DAZAP1: variants seen among roughly 807,000 people sequenced by gnomAD.
DAZAP1 encodes the protein DAZ associated protein 1.
A neutral mutation model predicts 60.1 loss-of-function variants in DAZAP1; 6 were observed. That is an observed-to-expected ratio of 0.10 (90% CI 0.05 to 0.20). The LOEUF (loss-of-function observed/expected upper bound fraction) is 0.20, where lower values mean the gene tolerates loss of function less well. Among genes scored for constraint, DAZAP1 ranks in the 10% least tolerant of loss-of-function variants. DAZAP1 has a pLI of 1.00. For synonymous variants in DAZAP1, 235 were observed against 215.9 expected (o/e 1.09, Z -0.78); for missense variants, 366 against 560.4 (o/e 0.65, Z 3.50).
intron 6 of DAZAP1, among the ~76,000 whole-genome samples, chr19:1,424,156 C>T (rs1434187020): frequency 7.9e-5 from 12 of 151,984 alleles, no homozygotes; most frequent in Admixed American, 3.9e-4. Context: ...GCCTGTGTCT[C>T]GGGCACACAG....
rs535932828 is a variant in DAZAP1 at position 1,433,139 on chromosome 19, C to T, written c.1048+449C>T. 2.7e-5 allele frequency: 5 copies of T among 186,616 alleles called. No individual in the cohort carries two copies. Among genetic ancestry groups the T allele is most frequent in the Non-Finnish European group, 5.6e-5 (5 of 89,328 alleles). The allele number at this position is 186,616 out of a possible 1,614,324, so 11.6% of individuals were successfully genotyped here. A position where few individuals can be genotyped will look rare whatever the true frequency, so the allele number is the denominator to read the frequency against. Reference sequence around the variant, plus strand: ...GGGTCTGTAGTAGGCGTGGCCTGGACGTGGGCTTCACCCTGGACTGGATGG... The same window carrying T: ...GGGTCTGTAGTAGGCGTGGCCTGGATGTGGGCTTCACCCTGGACTGGATGG... On this transcript the variant is annotated intron_variant, in intron 11 of 11. Transcript: ENST00000233078. The surrounding 1 kb of genome is among the most constrained non-coding windows in gnomAD (Gnocchi z 6.1).
At chr19:1,415,842 C>T (rs1447125672) in intron 1 of DAZAP1, 6 of 152,168 alleles carry the variant, frequency 3.9e-5, no homozygotes, top group East Asian at 3.9e-4. Context: ...TGGCACACCC[C>T]GCCTCTAATT....
In DAZAP1 at chr19:1,418,353, A is replaced by G. The variant is rs774079955; in HGVS notation, c.220A>G (p.Thr74Ala). The G allele has an allele frequency of 6.2e-7, 1 of 1,613,552 alleles. No individual in the cohort carries two copies. Among genetic ancestry groups the G allele is most frequent in the African/African-American group, 1.3e-5 (1 of 74,912 alleles). ...VGTVLASRPH[T>A]LDGRNIDPKP... The stretch of plus-strand genomic sequence containing the variant: ...GACGGTGCTGGCCAGCAGACCGCAC[A>G]CGCTAGATGGCCGAAACGTAAGTGC... Residue 74 changes from threonine to alanine, a missense_variant, in exon 3 of 12, where the codon ACG (threonine) becomes GCG (alanine). This residue lies in a region of DAZAP1 where 98 missense variants were observed against 155.3 expected (regional missense o/e 0.63). Coordinates refer to ENST00000233078, the MANE Select transcript of DAZAP1 (RefSeq NM_018959.4). This position sits in a 1 kb window ranked among gnomAD's most constrained non-coding sequence, Gnocchi z 5.7.
In DAZAP1 at chr19:1,435,087, T is replaced by C; in HGVS notation, c.*175T>C. 2.2e-6 allele frequency: 1 copy of C among 452,672 alleles called. No homozygotes were observed. Among genetic ancestry groups the C allele is most frequent in the Non-Finnish European group, 3.7e-6 (1 of 272,038 alleles). 28.0% of individuals were successfully genotyped at this position (452,672 alleles called of 1,614,324 possible). A position where few individuals can be genotyped will look rare whatever the true frequency, so the allele number is the denominator to read the frequency against. On this transcript the variant is annotated 3_prime_UTR_variant, in exon 12 of 12. Transcript: ENST00000233078. ...TCGTCTGGACTGAGGTTTTTAAATA[T>C]TTCTTTCTCTAACCCATCAGCACAA...
In DAZAP1 at chr19:1,425,115, C is replaced by A. The variant is rs1374223040; in HGVS notation, c.464-763C>A. Among the ~76,000 whole-genome samples, 1 of 152,250 alleles carries A rather than the reference C, an allele frequency of 6.6e-6. No homozygotes were observed. The highest frequency in any genetic ancestry group is 1.5e-5 in the Non-Finnish European group (1 of 68,050). On this transcript the variant is annotated intron_variant, in intron 6 of 11. Coordinates refer to ENST00000233078, the MANE Select transcript of DAZAP1 (RefSeq NM_018959.4). The surrounding 1 kb of genome is among the most constrained non-coding windows in gnomAD (Gnocchi z 5.4). Reference sequence around the variant, plus strand: ...GCTGCTGGCAGCAGAGTCTGACCTGCTGGAACCCGTTGTGGCCTGTATCTT... The same window carrying A: ...GCTGCTGGCAGCAGAGTCTGACCTGATGGAACCCGTTGTGGCCTGTATCTT...
intron 1 of DAZAP1, among the ~76,000 whole-genome samples, chr19:1,415,259 C>T (rs2082942551): frequency 6.6e-6 from 1 of 151,734 alleles, no homozygotes; most frequent in African/African-American, 2.4e-5. Flanking sequence ...TTGGAGGACA[C>T]CTGCCTGTTA....
In DAZAP1 at chr19:1,434,432, C is replaced by G; in HGVS notation, c.1049-305C>G. The G allele has an allele frequency of 2.9e-6, 1 of 346,464 alleles. No homozygotes were observed. Among genetic ancestry groups the G allele is most frequent in the Non-Finnish European group, 5.3e-6 (1 of 187,628 alleles). The allele number at this position is 346,464 out of a possible 1,614,324, so 21.5% of individuals were successfully genotyped here. ...TCTCCAAGCCCCGAGGCTTCTCTAC[C>G]TCCCCTCACCCCCCCAACCACGTCT... On this transcript the variant is annotated intron_variant, in intron 11 of 11. Transcript: ENST00000233078. This position sits in a 1 kb window ranked among gnomAD's most constrained non-coding sequence, Gnocchi z 8.0.
chr19:1,420,724 CATT>C (rs1237050014), intron 4 of DAZAP1, among the ~76,000 whole-genome samples: 3 of 152,216 alleles, frequency 2.0e-5, no homozygotes, highest in Non-Finnish European at 4.4e-5. Flanking sequence ...CCGTAGCCAT[CATT>C]GTCACCTGCT....
Position 1,434,701 on chromosome 19 carries a change from G to A in DAZAP1, c.1049-36G>A. 1 of 1,605,430 alleles carries A rather than the reference G, an allele frequency of 6.2e-7. No homozygotes were observed. The highest frequency in any genetic ancestry group is 8.5e-7 in the Non-Finnish European group (1 of 1,176,796). ...GCTCGACGGCAGTGCCAACCGCCCA[G>A]GGACCGCCCCGAGCTCACAGGACTT... is the stretch of plus-strand genomic sequence containing the variant. On this transcript the variant is annotated intron_variant, in intron 11 of 11. Transcript: ENST00000233078. The surrounding 1 kb of genome is among the most constrained non-coding windows in gnomAD (Gnocchi z 8.0).
At position 1,418,614 on chromosome 19, in the gene DAZAP1, C is replaced by T; in HGVS notation, c.238-52C>T. 1 of 1,610,136 alleles carries T rather than the reference C, an allele frequency of 6.2e-7. No individual in the cohort carries two copies. The highest frequency in any genetic ancestry group is 8.5e-7 in the Non-Finnish European group (1 of 1,176,616). The stretch of plus-strand genomic sequence containing the variant: ...CTGCTGTTGTGCTGACACCCTCTTT[C>T]CTAGAGAAACAGCCTCTTATTCACA... On this transcript the variant is annotated intron_variant, in intron 3 of 11. Coordinates refer to ENST00000233078, the MANE Select transcript of DAZAP1 (RefSeq NM_018959.4). This position sits in a 1 kb window ranked among gnomAD's most constrained non-coding sequence, Gnocchi z 5.7.
Position 1,418,092 on chromosome 19 carries a change from G to T in DAZAP1, c.71-112G>T, listed in dbSNP as rs935881820. ...CACCCCCCACCCCCAGTGCAGCATC[G>T]CTCGGTGCGTGGCTGGTGGACTGGA... On this transcript the variant is annotated intron_variant, in intron 2 of 11. Transcript: ENST00000233078. This position sits in a 1 kb window ranked among gnomAD's most constrained non-coding sequence, Gnocchi z 5.7. The T allele has an allele frequency of 2.0e-5, 23 of 1,128,850 alleles. No individual in the cohort carries two copies. Among genetic ancestry groups the T allele is most frequent in the Non-Finnish European group, 2.5e-5 (19 of 773,160 alleles). 69.9% of individuals were successfully genotyped at this position (1,128,850 alleles called of 1,614,324 possible).
rs1011314631 is a variant in DAZAP1 at position 1,432,469 on chromosome 19, A to G, written c.872-45A>G. ...GTGGGTCTCCTGCTGGTCTGCCCCC[A>G]GCTGCACAACGTGTCTTGTGCCTTG... On this transcript the variant is annotated intron_variant, in intron 10 of 11. Coordinates refer to ENST00000233078, the MANE Select transcript of DAZAP1 (RefSeq NM_018959.4). The surrounding 1 kb of genome is among the most constrained non-coding windows in gnomAD (Gnocchi z 4.9). 2 of 1,604,872 alleles carry G rather than the reference A, an allele frequency of 1.2e-6. No homozygotes were observed. The highest frequency in any genetic ancestry group is 1.7e-6 in the Non-Finnish European group (2 of 1,173,626).
At chr19:1,408,590 G>A (rs1376215292) in intron 1 of DAZAP1, among the ~76,000 whole-genome samples, 4 of 152,190 alleles carry the variant, frequency 2.6e-5, no homozygotes, top group South Asian at 2.1e-4. Flanking sequence ...GGCCCAGGGG[G>A]CTCGGGTCAG....
At chr19:1,415,770 G>A (rs1229999258) in intron 1 of DAZAP1, 1 of 152,206 alleles carries the variant, frequency 6.6e-6, no homozygotes, top group Admixed American at 6.5e-5. Context: ...TGATCAGCAT[G>A]GTTTTCCCTG....
intron 1 of DAZAP1, chr19:1,409,702 G>A (rs1322358989): frequency 6.6e-6 from 1 of 152,418 alleles, no homozygotes; most frequent in African/African-American, 2.4e-5. Context: ...TGCGTGAAAT[G>A]CTTGTGACCC....
At chr19:1,407,910 C>A in intron 1 of DAZAP1, 108 bp downstream of exon 1, 2 of 962,688 alleles carry the variant, frequency 2.1e-6, no homozygotes, top group Non-Finnish European at 2.5e-6. Context: ...CAAGGTCACG[C>A]CGGCCGGGGG....
At position 1,429,423 on chromosome 19, in the gene DAZAP1, G is replaced by C. The variant is rs185999871; in HGVS notation, c.700+428G>C. 3.3e-5 allele frequency among the ~76,000 whole-genome samples: 5 copies of C among 152,352 alleles called. No homozygotes were observed. The East Asian group carries it at 9.7e-4, about 29-fold the overall frequency. On this transcript the variant is annotated intron_variant, in intron 8 of 11. Transcript: ENST00000233078. ...CACCTGCCGTTCCCTCTGCAGTGCC[G>C]TGGGCCCTCTGTAGTTAGGCCCACG...
At chr19:1,429,142 G>A (rs1384865849) in intron 8 of DAZAP1, 147 bp downstream of exon 8, 1 of 1,134,024 alleles carries the variant, frequency 8.8e-7, no homozygotes, top group Non-Finnish European at 1.2e-6. Context: ...CCCCCGCGAG[G>A]TGCCGGCTGA....
rs1191828549 is a variant in DAZAP1, at chr19:1,433,287, G to A, written c.1048+597G>A. On this transcript the variant is annotated intron_variant, in intron 11 of 11. Coordinates refer to ENST00000233078, the MANE Select transcript of DAZAP1 (RefSeq NM_018959.4). This position sits in a 1 kb window ranked among gnomAD's most constrained non-coding sequence, Gnocchi z 6.1. ...TCTGCATGTCAGTAGTTCTCGCCCT[G>A]CACTGAGCCAGGAGTCACAGCAGCC... 13 of 217,240 alleles carry A rather than the reference G, an allele frequency of 6.0e-5. No homozygotes were observed. Among genetic ancestry groups the A allele is most frequent in the Non-Finnish European group, 8.4e-5 (9 of 106,542 alleles). 13.5% of individuals were successfully genotyped at this position (217,240 alleles called of 1,614,324 possible). A position where few individuals can be genotyped will look rare whatever the true frequency, so the allele number is the denominator to read the frequency against.
Sources: allele counts gnomAD v4.1 joint callset (sites outside exome capture counted in the v4.1 genomes callset), GRCh38; gene constraint gnomAD v4.1.1; regional missense constraint gnomAD v4.1.1; non-coding constraint Gnocchi (gnomAD v3.1); transcripts MANE v1.5; gene names NCBI Gene and HGNC (gene_info 2026-07-23, HGNC 2026-07-21).